AATF: variants seen among roughly 807,000 people sequenced by gnomAD.
AATF encodes the protein protein AATF.
AATF carries 48 observed loss-of-function variants against 63.7 expected under a neutral mutation model. That is an observed-to-expected ratio of 0.75 (90% CI 0.60 to 0.96). The LOEUF (loss-of-function observed/expected upper bound fraction) is 0.96. AATF is among the 40% of genes least tolerant of loss of function. The pLI, the probability that AATF is intolerant of heterozygous loss-of-function variation, is 0.00. For synonymous variants in AATF, 258 were observed against 247.7 expected (o/e 1.04, Z -0.39); for missense variants, 639 against 685.7 (o/e 0.93, Z 0.76).
chr17:36,982,597 C>CGACG (rs2071135642), intron 4 of AATF, among the ~76,000 whole-genome samples: 1 of 152,204 alleles, frequency 6.6e-6, no homozygotes, highest in South Asian at 2.1e-4. Flanking sequence ...TCGTGACCAC[C>CGACG]CGTCTCAGCC....
At chr17:37,049,328 C>T (rs971920808) in intron 11 of AATF, among the ~76,000 whole-genome samples, 6 of 152,028 alleles carry the variant, frequency 3.9e-5, no homozygotes, top group East Asian at 1.9e-4. Context: ...CCAAGCCGGG[C>T]GCGGTGGCTC....
intron 11 of AATF, among the ~76,000 whole-genome samples, chr17:37,040,531 A>G (rs941368339): frequency 6.6e-6 from 1 of 152,212 alleles, no homozygotes; most frequent in African/African-American, 2.4e-5. Context: ...GCATGGAACA[A>G]TTAAATAACT....
chr17:37,029,815 C>G (rs560477134), intron 10 of AATF, among the ~76,000 whole-genome samples: 2 of 152,044 alleles, frequency 1.3e-5, no homozygotes, highest in African/African-American at 2.4e-5. Flanking sequence ...ATCTGCCCCC[C>G]CTCAGCCTCC....
intron 11 of AATF, among the ~76,000 whole-genome samples, chr17:37,036,235 A>T (rs2071591112): frequency 6.6e-6 from 1 of 152,188 alleles, no homozygotes; most frequent in African/African-American, 2.4e-5. Flanking sequence ...CATTGGTTCC[A>T]GTTTACCCTT....
In AATF at chr17:36,977,688, C is replaced by A. The variant is rs965336490; in HGVS notation, c.833-8929C>A. ...TATATCAAATAAAAATGAAAGTATCCGCACTCTCCCTGAGTAACTACTGTA... is the reference window on the plus strand; with the variant it reads ...TATATCAAATAAAAATGAAAGTATCAGCACTCTCCCTGAGTAACTACTGTA... On this transcript the variant is annotated intron_variant, in intron 4 of 11. Transcript: ENST00000619387. 4.0e-5 allele frequency among the ~76,000 whole-genome samples: 6 copies of A among 151,896 alleles called. No individual in the cohort carries two copies. In the East Asian group the frequency reaches 1.2e-3, roughly 29 times the overall value.
intron 3 of AATF, 44 bp from the exon 4 acceptor site, chr17:36,953,726 A>C: frequency 6.3e-7 from 1 of 1,593,894 alleles, no homozygotes. Flanking sequence ...CACCCCCAGA[A>C]TATTTTATTA....
At chr17:37,004,448 T>G in intron 8 of AATF, among the ~76,000 whole-genome samples, 1 of 150,414 alleles carries the variant, frequency 6.6e-6, no homozygotes, top group African/African-American at 2.5e-5. Flanking sequence ...TGAGAGAGAG[T>G]TTTAAGATAG....
chr17:37,043,681 T>C (rs1212918306), intron 11 of AATF, among the ~76,000 whole-genome samples: 1 of 152,200 alleles, frequency 6.6e-6, no homozygotes, highest in Non-Finnish European at 1.5e-5. Flanking sequence ...TGCAAAACAC[T>C]TCACTTAAGG....
intron 4 of AATF, among the ~76,000 whole-genome samples, chr17:36,968,270 C>CTTTTTTTTTTTTTTTTTTTT (rs3049638): frequency 4.2e-5 from 1 of 23,764 alleles, no homozygotes; most frequent in Non-Finnish European, 7.6e-5. Flanking sequence ...TTCCTTCTTT[C>CTTTTTTTTTTTTTTTTTTTT]TTTTTTTTTT....
At position 36,990,857 on chromosome 17, in the gene AATF, G is replaced by A. The variant is rs1295035666; in HGVS notation, c.1398G>A (p.Gln466=). The change falls in exon 8 of 12, where the codon CAG becomes CAA. Residue 466 remains glutamine, a splice_region_variant and synonymous_variant. Transcript: ENST00000619387. ...EIFDDDDFYH[Q]LLRELIERKT... is the part of the protein sequence containing the mutation. ...TTGATGATGATGACTTTTACCACCA[G>A]GTGAGACTTTTACACTCTCTTGTTA... The A allele has an allele frequency of 1.3e-6, 2 of 1,574,424 alleles. No homozygotes were observed. Among genetic ancestry groups the A allele is most frequent in the Non-Finnish European group, 1.7e-6 (2 of 1,164,320 alleles).
chr17:37,054,149 T>G (rs2071777607), intron 11 of AATF, among the ~76,000 whole-genome samples: 2 of 148,180 alleles, frequency 1.3e-5, no homozygotes, highest in South Asian at 2.1e-4. Flanking sequence ...GAGGCCAAGC[T>G]GAACCGCTGG....
At position 37,011,999 on chromosome 17, in the gene AATF, T is replaced by G. The variant is rs185067272; in HGVS notation, c.1399-7006T>G. Among the ~76,000 whole-genome samples the G allele has an allele frequency of 1.4e-3, 216 of 152,278 alleles. 2 individuals carry two copies. Among genetic ancestry groups the G allele is most frequent in the Non-Finnish European group, 2.5e-3 (169 of 68,018 alleles). ...TATTTGAAATTATAGTATATGCAATTTATTTTTTGTATGCCTCAAATATGG... is the reference window on the plus strand; with the variant it reads ...TATTTGAAATTATAGTATATGCAATGTATTTTTTGTATGCCTCAAATATGG... On this transcript the variant is annotated intron_variant, in intron 8 of 11. Transcript: ENST00000619387.
At chr17:37,039,982 C>G (rs2071623935) in intron 11 of AATF, among the ~76,000 whole-genome samples, 1 of 152,148 alleles carries the variant, frequency 6.6e-6, no homozygotes, top group African/African-American at 2.4e-5. Flanking sequence ...CATTTCTGCA[C>G]TTATATTCTC....
chr17:36,949,187 A>T lies in AATF; in HGVS notation c.62A>T (p.Glu21Val). The T allele has an allele frequency of 6.3e-7, 1 of 1,593,920 alleles. No individual in the cohort carries two copies. The highest frequency in any genetic ancestry group is 8.5e-7 in the Non-Finnish European group (1 of 1,171,970). Residue 21 changes from glutamate (E) to valine (V), a missense_variant, in exon 1 of 12, where the codon GAG becomes GTG. Transcript: ENST00000619387. The stretch of plus-strand genomic sequence containing the variant: ...CAGTTGTTGAACCCGCGACCAAGCG[A>T]GGCGGACCCTGAAGCGGACCCCGAG... ...LEQLLNPRPS[E>V]ADPEADPEEA...
At chr17:37,019,128 C>G (rs2071450458) in intron 9 of AATF, 56 bp downstream of exon 9, 1 of 1,393,622 alleles carries the variant, frequency 7.2e-7, no homozygotes, top group East Asian at 2.3e-5. Flanking sequence ...AGTTTCTCCC[C>G]TTGAGTCCCT....
At chr17:36,986,520 A>G in intron 4 of AATF, 97 bp from the exon 5 acceptor site, 1 of 947,112 alleles carries the variant, frequency 1.1e-6, no homozygotes, top group Non-Finnish European at 1.7e-6. Context: ...TTCACTCCCC[A>G]CAGCCAGAAC....
chr17:37,041,780 C>T (rs1419410693), intron 11 of AATF, among the ~76,000 whole-genome samples: 3 of 152,214 alleles, frequency 2.0e-5, no homozygotes, highest in Non-Finnish European at 4.4e-5. Flanking sequence ...GCTGGGATTA[C>T]AGGTGTGAGC....
chr17:36,960,366 A>G (rs561303235), intron 4 of AATF, among the ~76,000 whole-genome samples: 5 of 152,356 alleles, frequency 3.3e-5, no homozygotes, highest in African/African-American at 1.2e-4. Context: ...ACCTTAAATA[A>G]TAATGTTTTA....
At chr17:37,054,627 C>T (rs1026837354) in intron 11 of AATF, 1 of 152,216 alleles carries the variant, frequency 6.6e-6, no homozygotes, top group African/African-American at 2.4e-5. Context: ...GCTCCTGACA[C>T]GTGAACCCTG....
Sources: allele counts gnomAD v4.1 joint callset (sites outside exome capture counted in the v4.1 genomes callset), GRCh38; gene constraint gnomAD v4.1.1; transcripts MANE v1.5; gene names NCBI Gene and HGNC (gene_info 2026-07-23, HGNC 2026-07-21).